Variants in TMTC2 observed in about 807,000 individuals in gnomAD.
The protein encoded by TMTC2 is protein O-mannosyl-transferase TMTC2.
TMTC2 carries 43 observed loss-of-function variants against 82.4 expected under a neutral mutation model. The ratio of observed to expected loss-of-function variants is 0.52; its 90% CI spans 0.41 to 0.67. The LOEUF (loss-of-function observed/expected upper bound fraction) is 0.67, where lower values mean the gene tolerates loss of function less well. Among genes scored for constraint, TMTC2 ranks in the 30% least tolerant of loss-of-function variants. TMTC2 has a pLI of 0.00. For missense variants in TMTC2, 919 were observed against 1,012.4 expected, an observed-to-expected ratio of 0.91 and a Z score of 1.25; for synonymous variants, 408 against 381.9, an observed-to-expected ratio of 1.07 and a Z score of -0.80.
At chr12:82,774,514 G>A (rs1163847845) in intron 1 of TMTC2, among the ~76,000 whole-genome samples, 4 of 151,992 alleles carry the variant, frequency 2.6e-5, no homozygotes, top group South Asian at 4.2e-4. Flanking sequence ...CCAGCTACTC[G>A]GGAGGCTGAG....
intron 1 of TMTC2, among the ~76,000 whole-genome samples, chr12:82,824,136 C>T (rs1869272698): frequency 6.6e-6 from 1 of 152,200 alleles, no homozygotes; most frequent in Non-Finnish European, 1.5e-5. Context: ...TCAAGTGATC[C>T]ACCCTCCTCG....
intron 8 of TMTC2, among the ~76,000 whole-genome samples, chr12:83,009,571 A>T (rs760915531): frequency 3.3e-5 from 5 of 152,144 alleles, no homozygotes; most frequent in Non-Finnish European, 5.9e-5. Flanking sequence ...ATTGATTTCC[A>T]GTTTGTCTAG....
chr12:82,995,350 A>ACG (rs1156831671), intron 8 of TMTC2, among the ~76,000 whole-genome samples: 2 of 151,462 alleles, frequency 1.3e-5, no homozygotes, highest in Non-Finnish European at 2.9e-5. Context: ...ACACACACAC[A>ACG]CACGCACATA....
chr12:82,690,305 T>A, intron 1 of TMTC2: 3 of 912,264 alleles, frequency 3.3e-6, no homozygotes, highest in Non-Finnish European at 3.9e-6. Flanking sequence ...TCTGCTGCCC[T>A]CCAGGAACTT....
intron 1 of TMTC2, among the ~76,000 whole-genome samples, chr12:82,715,975 A>G (rs1351990038): frequency 6.6e-6 from 1 of 152,022 alleles, no homozygotes; most frequent in Non-Finnish European, 1.5e-5. Flanking sequence ...TACTTTTGTT[A>G]TTTTCATTAG....
chr12:83,128,294 AGGT>A (rs1419459819), intron 11 of TMTC2, among the ~76,000 whole-genome samples: 1 of 152,114 alleles, frequency 6.6e-6, no homozygotes, highest in South Asian at 2.1e-4. Context: ...TATTAGAGTT[AGGT>A]AGACTTTGAG....
chr12:82,953,066 G>T (rs1355685797), intron 4 of TMTC2, among the ~76,000 whole-genome samples: 1 of 152,150 alleles, frequency 6.6e-6, no homozygotes, highest in Non-Finnish European at 1.5e-5. Flanking sequence ...AAAGGGCTTA[G>T]TTTCCAGGAC....
At chr12:82,760,791 C>T (rs1244757403) in intron 1 of TMTC2, 9 of 358,382 alleles carry the variant, frequency 2.5e-5, no homozygotes, top group African/African-American at 6.6e-5. Flanking sequence ...CTGTGAACTG[C>T]GCATGTGAGG....
At chr12:82,759,183 GC>G (rs1479947746) in intron 1 of TMTC2, 4 of 152,204 alleles carry the variant, frequency 2.6e-5, no homozygotes, top group Non-Finnish European at 4.4e-5. Flanking sequence ...GCTTTGGGAA[GC>G]AAATCTGGTT....
At chr12:82,983,859 T>G (rs908329847) in intron 7 of TMTC2, among the ~76,000 whole-genome samples, 8 of 152,032 alleles carry the variant, frequency 5.3e-5, no homozygotes, top group Non-Finnish European at 1.0e-4. Flanking sequence ...TTTTAGGGCT[T>G]GTGTATCTTT....
intron 1 of TMTC2, among the ~76,000 whole-genome samples, chr12:82,811,247 TCTC>T (rs1453003549): frequency 6.6e-6 from 1 of 151,678 alleles, no homozygotes; most frequent in Non-Finnish European, 1.5e-5. Flanking sequence ...TAAAATAAAA[TCTC>T]CTTCTTTTAT....
chr12:83,064,658 C>G (rs1882855912), intron 11 of TMTC2, among the ~76,000 whole-genome samples: 1 of 151,816 alleles, frequency 6.6e-6, no homozygotes, highest in Non-Finnish European at 1.5e-5. Flanking sequence ...CATCTAAGTA[C>G]TAACCAGCCC....
chr12:82,819,715 C>T (rs1340771186), intron 1 of TMTC2, among the ~76,000 whole-genome samples: 1 of 151,918 alleles, frequency 6.6e-6, no homozygotes, highest in African/African-American at 2.4e-5. Context: ...GTTGGCCAGG[C>T]TGGTCTCAAA....
At chr12:82,927,517 A>G (rs1197520693) in intron 3 of TMTC2, among the ~76,000 whole-genome samples, 1 of 152,232 alleles carries the variant, frequency 6.6e-6, no homozygotes, top group Non-Finnish European at 1.5e-5. Flanking sequence ...AGAATGTTAT[A>G]TGATCTTAGT....
intron 1 of TMTC2, among the ~76,000 whole-genome samples, chr12:82,845,264 TA>T (rs1870591665): frequency 7.6e-6 from 1 of 131,272 alleles, no homozygotes; most frequent in African/African-American, 2.9e-5. Flanking sequence ...TATATATATA[TA>T]TATATATATT....
intron 2 of TMTC2, among the ~76,000 whole-genome samples, chr12:82,867,487 G>A (rs1017290210): frequency 6.6e-6 from 1 of 152,126 alleles, no homozygotes; most frequent in African/African-American, 2.4e-5. Flanking sequence ...AAATGACTTA[G>A]TTCCTACTTA....
intron 8 of TMTC2, among the ~76,000 whole-genome samples, chr12:82,992,068 A>G (rs1171110425): frequency 1.3e-5 from 2 of 152,208 alleles, no homozygotes; most frequent in East Asian, 3.9e-4. Flanking sequence ...TGGCTACGGC[A>G]TGAGAGCACT....
chr12:82,806,534 C>A (rs548725598), intron 1 of TMTC2, among the ~76,000 whole-genome samples: 3 of 152,098 alleles, frequency 2.0e-5, no homozygotes, highest in Admixed American at 1.3e-4. Context: ...CACCAAGCTC[C>A]GTGCAGTCGA....
chr12:83,074,756 G>C (rs546834095), intron 11 of TMTC2, among the ~76,000 whole-genome samples: 1 of 152,090 alleles, frequency 6.6e-6, no homozygotes, highest in African/African-American at 2.4e-5. Flanking sequence ...GGTGGAGGGC[G>C]TGAGGTCTTG....
Sources: allele counts gnomAD v4.1 joint callset (sites outside exome capture counted in the v4.1 genomes callset), GRCh38; gene constraint gnomAD v4.1.1; transcripts MANE v1.5; gene names NCBI Gene and HGNC (gene_info 2026-07-23, HGNC 2026-07-21).